PARD3B: variants seen among roughly 807,000 people sequenced by gnomAD.
PARD3B encodes the protein partitioning defective 3 homolog B.
A neutral mutation model predicts 130.2 loss-of-function variants in PARD3B; 103 were observed. The ratio of observed to expected loss-of-function variants is 0.79; its 90% CI spans 0.67 to 0.93. The LOEUF (loss-of-function observed/expected upper bound fraction) is 0.93. Among genes scored for constraint, PARD3B ranks in the 40% least tolerant of loss-of-function variants. PARD3B has a pLI of 0.00. For missense variants in PARD3B, 1,609 were observed against 1,499.2 expected, an observed-to-expected ratio of 1.07 and a Z score of -1.21; for synonymous variants, 583 against 553.2, an observed-to-expected ratio of 1.05 and a Z score of -0.76.
chr2:205,018,727 A>C (rs1696356232), intron 3 of PARD3B, among the ~76,000 whole-genome samples: 1 of 49,816 alleles, frequency 2.0e-5, no homozygotes, highest in Non-Finnish European at 4.4e-5. Context: ...ATAAGCAAAA[A>C]AAAAAAAAAA....
intron 2 of PARD3B, among the ~76,000 whole-genome samples, chr2:204,913,774 T>C (rs780191932): frequency 6.6e-6 from 1 of 152,240 alleles, no homozygotes; most frequent in Non-Finnish European, 1.5e-5. Flanking sequence ...ACTAAAAATA[T>C]ACATTTTGTT....
At chr2:205,380,502 ATT>A (rs1183014014) in intron 18 of PARD3B, among the ~76,000 whole-genome samples, 2 of 58,160 alleles carry the variant, frequency 3.4e-5, no homozygotes, top group African/African-American at 9.0e-5. Flanking sequence ...AAGAATATAT[ATT>A]ATATATAATA....
chr2:204,552,055 T>A (rs2030502652), intron 1 of PARD3B, among the ~76,000 whole-genome samples: 1 of 152,226 alleles, frequency 6.6e-6, no homozygotes, highest in Admixed American at 6.5e-5. Context: ...TTAATTTAAA[T>A]GTAAATCGCC....
chr2:205,291,257 G>A lies in PARD3B; in HGVS notation c.2186-9273G>A, dbSNP rs569927617. ...AACAAACAAAAAAAGCAACAGCAAC[G>A]ACAAAAAACACCAACACCACCAACA... On this transcript the variant is annotated intron_variant, in intron 16 of 22. Coordinates refer to ENST00000406610, the MANE Select transcript of PARD3B (RefSeq NM_001302769.2). This position sits in a 1 kb window ranked among gnomAD's most constrained non-coding sequence, Gnocchi z 4.6. Among the ~76,000 whole-genome samples, 144 of 152,170 alleles carry A rather than the reference G, an allele frequency of 9.5e-4. 1 individual carries two copies. The highest frequency in any genetic ancestry group is 3.3e-3 in the African/African-American group (138 of 41,536).
intron 3 of PARD3B, among the ~76,000 whole-genome samples, chr2:204,999,563 G>A (rs1694651854): frequency 6.6e-6 from 1 of 152,178 alleles, no homozygotes; most frequent in African/African-American, 2.4e-5. Flanking sequence ...ATCCACTGGA[G>A]ATGAGAACGT....
rs35556760 is a variant in PARD3B, at chr2:205,463,438, TAAA to T, written c.3044+22785_3044+22787del. Among the ~76,000 whole-genome samples, 5,358 of 121,540 alleles carry T rather than the reference TAAA, an allele frequency of 0.044. 289 individuals are homozygous for T. Among genetic ancestry groups the T allele is most frequent in the African/African-American group, 0.14 (4,885 of 34,792 alleles). 79.7% of individuals were successfully genotyped at this position (121,540 alleles called of 152,430 possible). On this transcript the variant is annotated intron_variant, in intron 20 of 22. Coordinates refer to ENST00000406610, the MANE Select transcript of PARD3B (RefSeq NM_001302769.2). The surrounding 1 kb of genome is among the most constrained non-coding windows in gnomAD (Gnocchi z 4.8). ...AACATTTCACTGCACATTAATTCTTTAAAAAAAAAAAAAAAAAAAAACCTGTCA... is the reference window on the plus strand; with the variant it reads ...AACATTTCACTGCACATTAATTCTTTAAAAAAAAAAAAAAAAAACCTGTCA...
chr2:205,187,373 A>G lies in PARD3B; in HGVS notation c.2024+1510A>G, dbSNP rs994297672. Reference sequence around the variant, plus strand: ...GGTATGCAGACTTCATTTGGTAGATAGTCAATCTTATTGCAGGGTTTTCGC... The same window carrying G: ...GGTATGCAGACTTCATTTGGTAGATGGTCAATCTTATTGCAGGGTTTTCGC... On this transcript the variant is annotated intron_variant, in intron 14 of 22. Coordinates refer to ENST00000406610, the MANE Select transcript of PARD3B (RefSeq NM_001302769.2). The surrounding 1 kb of genome is among the most constrained non-coding windows in gnomAD (Gnocchi z 4.9). Among the ~76,000 whole-genome samples the G allele has an allele frequency of 2.0e-5, 3 of 152,212 alleles. No homozygotes were observed. The highest frequency in any genetic ancestry group is 2.9e-5 in the Non-Finnish European group (2 of 68,028).
intron 16 of PARD3B, among the ~76,000 whole-genome samples, chr2:205,279,770 C>T (rs555251150): frequency 2.6e-5 from 4 of 152,256 alleles, no homozygotes; most frequent in South Asian, 2.1e-4. Flanking sequence ...AATGAACCCC[C>T]TCTTGGTAAA....
rs1047476228 is a variant in PARD3B, at chr2:204,664,823, G to A, written c.121-21358G>A. Among the ~76,000 whole-genome samples the A allele has an allele frequency of 1.3e-5, 2 of 152,174 alleles. No homozygotes were observed. Among genetic ancestry groups the A allele is most frequent in the Non-Finnish European group, 2.9e-5 (2 of 68,032 alleles). Reference sequence around the variant, plus strand: ...TAGTGAATGCATACAGGATGAGGTAGCCTGAAACAGTTTGAGGTATAATCA... The same window carrying A: ...TAGTGAATGCATACAGGATGAGGTAACCTGAAACAGTTTGAGGTATAATCA... On this transcript the variant is annotated intron_variant, in intron 1 of 22. Transcript: ENST00000406610. This position sits in a 1 kb window ranked among gnomAD's most constrained non-coding sequence, Gnocchi z 5.2.
intron 2 of PARD3B, among the ~76,000 whole-genome samples, chr2:204,889,114 G>A (rs776532408): frequency 3.3e-5 from 5 of 152,094 alleles, no homozygotes; most frequent in African/African-American, 1.2e-4. Flanking sequence ...TAAGCCGTGC[G>A]TCTTTTTCAT....
chr2:204,795,534 C>T (rs1382102045), intron 2 of PARD3B, among the ~76,000 whole-genome samples: 1 of 152,158 alleles, frequency 6.6e-6, no homozygotes, highest in Non-Finnish European at 1.5e-5. Flanking sequence ...AGATATCAGT[C>T]TGGCCACTTG....
At position 205,118,919 on chromosome 2, in the gene PARD3B, A is replaced by C; in HGVS notation, c.681-2A>C. 6.4e-7 allele frequency: 1 copy of C among 1,563,070 alleles called. No homozygotes were observed. ...ATATTTCAATCTAAATTTTGCATTTAGGATTCTAGGACTCTTCATCCGAGG... is the reference window on the plus strand; with the variant it reads ...ATATTTCAATCTAAATTTTGCATTTCGGATTCTAGGACTCTTCATCCGAGG... On this transcript the variant is annotated splice_acceptor_variant, in intron 6 of 22. Transcript: ENST00000406610. LOFTEE classifies it high-confidence loss of function.
intron 19 of PARD3B, among the ~76,000 whole-genome samples, chr2:205,422,037 T>C (rs1332692599): frequency 1.3e-5 from 2 of 152,230 alleles, no homozygotes; most frequent in African/African-American, 4.8e-5. Flanking sequence ...GATTCCATTC[T>C]TGTAAACAGA....
At chr2:204,670,757 T>C (rs918973056) in intron 1 of PARD3B, among the ~76,000 whole-genome samples, 25 of 152,352 alleles carry the variant, frequency 1.6e-4, no homozygotes, top group African/African-American at 5.8e-4. Flanking sequence ...TTGTTACTTT[T>C]GAGCCCATAA....
At chr2:204,928,972 G>T (rs145965910) in intron 2 of PARD3B, among the ~76,000 whole-genome samples, 1 of 152,148 alleles carries the variant, frequency 6.6e-6, no homozygotes, top group East Asian at 1.9e-4. Context: ...CTCTGCCCTG[G>T]TTGCCCTTTT....
chr2:204,920,990 A>T (rs774638998), intron 2 of PARD3B, among the ~76,000 whole-genome samples: 2 of 152,218 alleles, frequency 1.3e-5, no homozygotes, highest in Non-Finnish European at 2.9e-5. Context: ...TATCTTGGGC[A>T]TTAATCTGAG....
intron 18 of PARD3B, among the ~76,000 whole-genome samples, chr2:205,365,893 T>A (rs924396567): frequency 2.0e-5 from 3 of 152,160 alleles, no homozygotes; most frequent in Non-Finnish European, 4.4e-5. Flanking sequence ...AGGGTGCCAA[T>A]TCAGTAGTGT....
rs548928643 is a variant in PARD3B at position 205,488,147 on chromosome 2, A to G, written c.3045-11749A>G. Among the ~76,000 whole-genome samples, 363 of 152,216 alleles carry G rather than the reference A, an allele frequency of 2.4e-3. 2 individuals carry two copies. Among genetic ancestry groups the G allele is most frequent in the African/African-American group, 8.0e-3 (331 of 41,536 alleles). Reference sequence around the variant, plus strand: ...CAAGGTTAGTTTCTAAAGTCATTACATGAGACAAAAATTGTGTATTGACAA... The same window carrying G: ...CAAGGTTAGTTTCTAAAGTCATTACGTGAGACAAAAATTGTGTATTGACAA... On this transcript the variant is annotated intron_variant, in intron 20 of 22. Coordinates refer to ENST00000406610, the MANE Select transcript of PARD3B (RefSeq NM_001302769.2).
At chr2:205,472,031 GCT>G (rs772898624) in intron 20 of PARD3B, among the ~76,000 whole-genome samples, 3 of 152,126 alleles carry the variant, frequency 2.0e-5, no homozygotes, top group Non-Finnish European at 4.4e-5. Context: ...GTGTTTGAGG[GCT>G]CTTTTGTTTA....
Sources: gnomAD v4.1 joint callset for allele counts (sites outside exome capture counted in the v4.1 genomes callset) on GRCh38, gnomAD v4.1.1 for gene constraint, Gnocchi (gnomAD v3.1) non-coding constraint, MANE v1.5 for transcripts, NCBI Gene and HGNC (gene_info 2026-07-23, HGNC 2026-07-21) for gene names.